ZNF148: variants seen among roughly 807,000 people sequenced by gnomAD.
ZNF148 encodes Beta-Enolase Repressor Factor-1.
Under a neutral mutation model 67.7 loss-of-function variants are expected in ZNF148, and 7 were observed. The ratio of observed to expected loss-of-function variants is 0.10; its 90% CI spans 0.06 to 0.19. The LOEUF is 0.19. ZNF148 is among the 10% of genes least tolerant of loss of function. The pLI, the probability that ZNF148 is intolerant of heterozygous loss-of-function variation, is 1.00. For missense variants in ZNF148, 583 were observed against 947.1 expected, an observed-to-expected ratio of 0.62 and a Z score of 5.05; for synonymous variants, 333 against 330.7, an observed-to-expected ratio of 1.01 and a Z score of -0.08.
At chr3:125,246,840 T>A (rs535749259) in intron 7 of ZNF148, among the ~76,000 whole-genome samples, 1 of 152,318 alleles carries the variant, frequency 6.6e-6, no homozygotes, top group East Asian at 1.9e-4. Flanking sequence ...ATCCATGGAC[T>A]AATAACTACA....
chr3:125,258,161 G>A (rs564827483), intron 7 of ZNF148, among the ~76,000 whole-genome samples: 5 of 151,882 alleles, frequency 3.3e-5, no homozygotes, highest in South Asian at 2.1e-4. Context: ...GGTGGCTCAC[G>A]CCTGTAATCC....
At chr3:125,277,587 G>A in intron 7 of ZNF148, 139 bp downstream of exon 7, 1 of 652,696 alleles carries the variant, frequency 1.5e-6, no homozygotes, top group South Asian at 2.2e-5. Context: ...TTGATTTATT[G>A]AAGGGAGAAA....
intron 7 of ZNF148, among the ~76,000 whole-genome samples, chr3:125,247,813 T>C (rs972619790): frequency 6.6e-6 from 1 of 152,216 alleles, no homozygotes; most frequent in Non-Finnish European, 1.5e-5. Context: ...CAATGAAAAC[T>C]GATCAATTAC....
chr3:125,270,213 A>C (rs1294728062), intron 7 of ZNF148, among the ~76,000 whole-genome samples: 1 of 152,156 alleles, frequency 6.6e-6, no homozygotes, highest in Non-Finnish European at 1.5e-5. Flanking sequence ...AATAATTAAA[A>C]ATGCACACTG....
chr3:125,276,494 C>T lies in ZNF148; in HGVS notation c.667+1232G>A, dbSNP rs57397421. Reference sequence around the variant, plus strand: ...TATTGCCCAGGCTGGAGTGCAATGGCGCGATCTCGACTCACCGCAACCTCC... The same window carrying T: ...TATTGCCCAGGCTGGAGTGCAATGGTGCGATCTCGACTCACCGCAACCTCC... On this transcript the variant is annotated intron_variant, in intron 7 of 8. Coordinates refer to ENST00000360647, the MANE Select transcript of ZNF148 (RefSeq NM_021964.3). Among the ~76,000 whole-genome samples, 1,389 of 151,978 alleles carry T rather than the reference C, an allele frequency of 9.1e-3. 26 individuals carry two copies. The highest frequency in any genetic ancestry group is 0.029 in the African/African-American group (1,217 of 41,412).
intron 1 of ZNF148, among the ~76,000 whole-genome samples, chr3:125,350,593 T>A (rs949742685): frequency 1.3e-5 from 2 of 152,254 alleles, no homozygotes; most frequent in African/African-American, 4.8e-5. Context: ...GATGAAACTG[T>A]TCCACCTTAG....
intron 1 of ZNF148, among the ~76,000 whole-genome samples, chr3:125,364,832 G>T (rs1325028525): frequency 6.6e-6 from 1 of 152,124 alleles, no homozygotes; most frequent in Non-Finnish European, 1.5e-5. Flanking sequence ...ATCCAAGTTA[G>T]CCTGAATTTT....
At chr3:125,354,850 T>C (rs1220655934) in intron 1 of ZNF148, among the ~76,000 whole-genome samples, 1 of 152,246 alleles carries the variant, frequency 6.6e-6, no homozygotes, top group Non-Finnish European at 1.5e-5. Context: ...TTCAAAAATA[T>C]GTGTGAATCT....
At chr3:125,301,866 C>G (rs1939605744) in intron 4 of ZNF148, among the ~76,000 whole-genome samples, 1 of 151,034 alleles carries the variant, frequency 6.6e-6, no homozygotes, top group Non-Finnish European at 1.5e-5. Flanking sequence ...GAGTTCAAGA[C>G]CAGCCTGGCC....
chr3:125,238,983 C>T (rs567075185), intron 7 of ZNF148, among the ~76,000 whole-genome samples: 19 of 152,184 alleles, frequency 1.2e-4, no homozygotes, highest in African/African-American at 2.2e-4. Context: ...GAAGACATTA[C>T]GCTAAATGTA....
intron 4 of ZNF148, among the ~76,000 whole-genome samples, chr3:125,297,302 G>T (rs1939337049): frequency 6.6e-6 from 1 of 152,056 alleles, no homozygotes; most frequent in African/African-American, 2.4e-5. Context: ...ATTCCCAGTG[G>T]ATTACTGATC....
rs1439114534 is a variant in ZNF148, at chr3:125,297,506, AC to A, written c.334-9279del. Among the ~76,000 whole-genome samples, 3 of 151,804 alleles carry A rather than the reference AC, an allele frequency of 2.0e-5. No individual in the cohort carries two copies. The East Asian group carries it at 5.8e-4, about 29-fold the overall frequency. On this transcript the variant is annotated intron_variant, in intron 4 of 8. Coordinates refer to ENST00000360647, the MANE Select transcript of ZNF148 (RefSeq NM_021964.3). The stretch of plus-strand genomic sequence containing the variant: ...AGACCCACCAGAGTCAGAAATGATC[AC>A]TGCAATACATGCATCCAACCAGTGG...
intron 1 of ZNF148, among the ~76,000 whole-genome samples, chr3:125,339,777 C>T (rs896274372): frequency 6.6e-6 from 1 of 152,116 alleles, no homozygotes; most frequent in Non-Finnish European, 1.5e-5. Flanking sequence ...TAAACATATA[C>T]ACCTACTATG....
chr3:125,274,915 G>C (rs1560132371), intron 7 of ZNF148, among the ~76,000 whole-genome samples: 1 of 151,918 alleles, frequency 6.6e-6, no homozygotes, highest in Admixed American at 6.6e-5. Flanking sequence ...CTAAACTAAG[G>C]GCCTACAAAT....
At chr3:125,285,898 G>A (rs1938631432) in intron 5 of ZNF148, among the ~76,000 whole-genome samples, 1 of 152,114 alleles carries the variant, frequency 6.6e-6, no homozygotes, top group Non-Finnish European at 1.5e-5. Flanking sequence ...CATTATAAAT[G>A]AGTTTATCGC....
intron 7 of ZNF148, among the ~76,000 whole-genome samples, chr3:125,266,609 C>T (rs1320492966): frequency 6.6e-6 from 1 of 152,122 alleles, no homozygotes; most frequent in African/African-American, 2.4e-5. Context: ...TAAACTCCCA[C>T]ATCAAGAGGA....
At chr3:125,364,139 C>G (rs1942630577) in intron 1 of ZNF148, among the ~76,000 whole-genome samples, 1 of 152,162 alleles carries the variant, frequency 6.6e-6, no homozygotes, top group African/African-American at 2.4e-5. Flanking sequence ...TGGCTCATGC[C>G]TGTAATCCCA....
chr3:125,354,327 G>C (rs1942265759), intron 1 of ZNF148, among the ~76,000 whole-genome samples: 1 of 151,658 alleles, frequency 6.6e-6, no homozygotes, highest in South Asian at 2.1e-4. Context: ...CACTTTTTTT[G>C]TTTTGTTTTT....
At chr3:125,245,955 T>C (rs1290285619) in intron 7 of ZNF148, among the ~76,000 whole-genome samples, 1 of 152,226 alleles carries the variant, frequency 6.6e-6, no homozygotes, top group Non-Finnish European at 1.5e-5. Flanking sequence ...GTGTCTGACC[T>C]GTCTTCGCAA....
Sources: gnomAD v4.1 joint callset for allele counts (sites outside exome capture counted in the v4.1 genomes callset) on GRCh38, gnomAD v4.1.1 for gene constraint, MANE v1.5 for transcripts, NCBI Gene and HGNC (gene_info 2026-07-23, HGNC 2026-07-21) for gene names.